TDRD9: variants seen among roughly 807,000 people sequenced by gnomAD.
TDRD9 encodes the protein ATP-dependent RNA helicase TDRD9.
A neutral mutation model predicts 172.6 loss-of-function variants in TDRD9; 124 were observed. The observed-to-expected ratio is 0.72, with a 90% CI of 0.62 to 0.83. TDRD9 has a LOEUF of 0.83. Ranked by LOEUF, TDRD9 falls within the 40% of genes least tolerant of loss-of-function variation. The pLI is 0.00. For missense variants in TDRD9, 1,479 were observed against 1,714.1 expected, an observed-to-expected ratio of 0.86 and a Z score of 2.42; for synonymous variants, 619 against 617.1, an observed-to-expected ratio of 1.00 and a Z score of -0.05.
intron 4 of TDRD9, among the ~76,000 whole-genome samples, chr14:103,966,408 G>A (rs931415900): frequency 2.6e-5 from 4 of 152,188 alleles, no homozygotes; most frequent in African/African-American, 9.7e-5. Context: ...GAATTCTCAT[G>A]CTTATGGCTT....
In TDRD9 at chr14:103,997,019, C is replaced by T. The variant is rs1324570258; in HGVS notation, c.1378+1212C>T. 6.6e-6 allele frequency among the ~76,000 whole-genome samples: 1 copy of T among 152,138 alleles called. No individual in the cohort carries two copies. Among genetic ancestry groups the T allele is most frequent in the Non-Finnish European group, 1.5e-5 (1 of 67,996 alleles). Reference sequence around the variant, plus strand: ...GCCAGGGCAGCTGGACCAGTGTGAACGAAGGGGAAACGAGCCAGAAGAGAG... The same window carrying T: ...GCCAGGGCAGCTGGACCAGTGTGAATGAAGGGGAAACGAGCCAGAAGAGAG... On this transcript the variant is annotated intron_variant, in intron 12 of 35. Coordinates refer to ENST00000409874, the MANE Select transcript of TDRD9 (RefSeq NM_153046.3). This position sits in a 1 kb window ranked among gnomAD's most constrained non-coding sequence, Gnocchi z 5.1.
Position 103,982,766 on chromosome 14 carries a change from T to C in TDRD9, c.1012-3451T>C, listed in dbSNP as rs144157709. Among the ~76,000 whole-genome samples the C allele has an allele frequency of 7.3e-3, 1,117 of 152,190 alleles. 13 individuals carry two copies. Among genetic ancestry groups the C allele is most frequent in the African/African-American group, 0.025 (1,058 of 41,534 alleles). ...AAAATACAAAATTAGCCAGGTGTGG[T>C]GGCACACGCCTGTAATCCCAGCTAC... On this transcript the variant is annotated intron_variant, in intron 7 of 35. Coordinates refer to ENST00000409874, the MANE Select transcript of TDRD9 (RefSeq NM_153046.3).
chr14:104,038,136 G>A (rs923552864), intron 32 of TDRD9, among the ~76,000 whole-genome samples: 1 of 152,162 alleles, frequency 6.6e-6, no homozygotes, highest in African/African-American at 2.4e-5. Flanking sequence ...TGGTTTAGAG[G>A]CTAAGTCACG....
intron 7 of TDRD9, among the ~76,000 whole-genome samples, chr14:103,985,894 C>T (rs2033641633): frequency 2.6e-5 from 4 of 152,190 alleles, no homozygotes; most frequent in South Asian, 2.1e-4. Context: ...GTTCCATAGA[C>T]ATTTGGTGTG....
intron 20 of TDRD9, among the ~76,000 whole-genome samples, chr14:104,012,776 C>G (rs1398479737): frequency 3.3e-5 from 5 of 152,026 alleles, no homozygotes; most frequent in African/African-American, 1.2e-4. Context: ...CTTTGTCTCC[C>G]AGACTGGAAT....
At chr14:103,983,621 T>C (rs2033564407) in intron 7 of TDRD9, among the ~76,000 whole-genome samples, 1 of 152,198 alleles carries the variant, frequency 6.6e-6, no homozygotes, top group Non-Finnish European at 1.5e-5. Context: ...TTTAGAGACA[T>C]CTGTTGTGCT....
At chr14:103,931,217 T>C (rs1212481280) in intron 1 of TDRD9, among the ~76,000 whole-genome samples, 1 of 151,870 alleles carries the variant, frequency 6.6e-6, no homozygotes, top group Non-Finnish European at 1.5e-5. Context: ...GAGAATTGCT[T>C]GAGTCCCTGA....
At chr14:104,037,975 C>G (rs949006700) in intron 32 of TDRD9, among the ~76,000 whole-genome samples, 1 of 152,180 alleles carries the variant, frequency 6.6e-6, no homozygotes, top group Non-Finnish European at 1.5e-5. Flanking sequence ...GCAGAATGCT[C>G]CATGGTAGCA....
intron 22 of TDRD9, among the ~76,000 whole-genome samples, chr14:104,016,593 A>T (rs757063696): frequency 1.6e-4 from 25 of 152,184 alleles, no homozygotes; most frequent in Non-Finnish European, 3.2e-4. Context: ...TATGCCCTAG[A>T]AATCAGCATT....
chr14:104,049,938 G>T (rs1193009683), intron 35 of TDRD9: 1 of 440,570 alleles, frequency 2.3e-6, no homozygotes. Flanking sequence ...GGAAAAAAAG[G>T]TATGAGGGTC....
At chr14:103,982,261 A>G (rs2033500889) in intron 7 of TDRD9, among the ~76,000 whole-genome samples, 1 of 152,254 alleles carries the variant, frequency 6.6e-6, no homozygotes, top group Admixed American at 6.5e-5. Flanking sequence ...CACCCACCTT[A>G]GGTCTCAGGC....
chr14:104,044,826 G>C (rs894405980), intron 34 of TDRD9, among the ~76,000 whole-genome samples: 1 of 152,100 alleles, frequency 6.6e-6, no homozygotes, highest in Non-Finnish European at 1.5e-5. Context: ...AGGTTGTATT[G>C]GTAGGTTTAT....
At chr14:104,021,005 G>A (rs946519195) in intron 23 of TDRD9, among the ~76,000 whole-genome samples, 1 of 152,010 alleles carries the variant, frequency 6.6e-6, no homozygotes, top group Non-Finnish European at 1.5e-5. Context: ...CTGTTCTCTC[G>A]GTGCTATAAA....
chr14:103,969,892 G>A lies in TDRD9; in HGVS notation c.766-649G>A, dbSNP rs181196456. Among the ~76,000 whole-genome samples, 485 of 152,230 alleles carry A rather than the reference G, an allele frequency of 3.2e-3. 2 individuals carry two copies. Among genetic ancestry groups the A allele is most frequent in the Non-Finnish European group, 5.1e-3 (344 of 68,000 alleles). On this transcript the variant is annotated intron_variant, in intron 5 of 35. Transcript: ENST00000409874. Reference sequence around the variant, plus strand: ...GGTCTCTGTCTGAGGAGGGCTGCAAGGTCTGTCTGAGGTGCTGCCTCCCTG... The same window carrying A: ...GGTCTCTGTCTGAGGAGGGCTGCAAAGTCTGTCTGAGGTGCTGCCTCCCTG...
intron 8 of TDRD9, among the ~76,000 whole-genome samples, chr14:103,988,868 A>G (rs2152193251): frequency 6.6e-6 from 1 of 152,026 alleles, no homozygotes; most frequent in South Asian, 2.1e-4. Flanking sequence ...TGATTTTTGT[A>G]TCCGGTTACT....
chr14:103,956,508 GGT>G lies in TDRD9; in HGVS notation c.322+740_322+741del, dbSNP rs775953200. On this transcript the variant is annotated intron_variant, in intron 2 of 35. Coordinates refer to ENST00000409874, the MANE Select transcript of TDRD9 (RefSeq NM_153046.3). ...AATACAAAAATTAGCCGAGCATGGT[GGT>G]GCATGCCTGTAGTCCCAGCTACTGG... 7.2e-5 allele frequency among the ~76,000 whole-genome samples: 11 copies of G among 152,194 alleles called. No homozygotes were observed. The East Asian group carries it at 1.7e-3, about 24-fold the overall frequency.
chr14:103,984,762 A>G (rs923681680), intron 7 of TDRD9, among the ~76,000 whole-genome samples: 1 of 152,204 alleles, frequency 6.6e-6, no homozygotes, highest in African/African-American at 2.4e-5. Context: ...TCCAGACCCC[A>G]GAATGATAGA....
At chr14:103,966,953 T>C in intron 5 of TDRD9, 122 bp downstream of exon 5, 2 of 919,976 alleles carry the variant, frequency 2.2e-6, no homozygotes, top group Non-Finnish European at 1.5e-6. Flanking sequence ...CCCCTTTACT[T>C]TCTGGACTTT....
intron 13 of TDRD9, 54 bp from the exon 14 acceptor site, chr14:104,004,184 G>A (rs1482226526): frequency 9.6e-5 from 80 of 831,500 alleles, no homozygotes; most frequent in South Asian, 2.7e-4. Flanking sequence ...ATACCTTCAT[G>A]CTGATGTTAA....
Sources: allele counts gnomAD v4.1 joint callset (sites outside exome capture counted in the v4.1 genomes callset), GRCh38; gene constraint gnomAD v4.1.1; non-coding constraint Gnocchi (gnomAD v3.1); transcripts MANE v1.5; gene names NCBI Gene and HGNC (gene_info 2026-07-23, HGNC 2026-07-21).